PCDH11X: variants seen among roughly 807,000 people sequenced by gnomAD.
PCDH11X encodes the protein protocadherin 11 X-linked, also known as protocadherin-11 X-linked.
Under a neutral mutation model 53.3 loss-of-function variants are expected in PCDH11X, and 18 were observed. The ratio of observed to expected loss-of-function variants is 0.34; its 90% CI spans 0.23 to 0.50. The LOEUF is 0.50. Among genes scored for constraint, PCDH11X ranks in the 20% least tolerant of loss-of-function variants. The pLI, the probability that PCDH11X is intolerant of heterozygous loss-of-function variation, is 0.98. For synonymous variants in PCDH11X, 279 were observed against 393.3 expected, an observed-to-expected ratio of 0.71 and a Z score of 3.44; for missense variants, 570 against 1,032.4, an observed-to-expected ratio of 0.55 and a Z score of 6.14.
At chrX:92,181,022 GA>G (rs750764876) in intron 6 of PCDH11X, among the ~76,000 whole-genome samples, 1 of 111,529 alleles carries the variant, frequency 9.0e-6, no homozygotes, top group Admixed American at 9.6e-5. Context: ...GCAGAGGTTG[GA>G]AGAGTTTGGA....
chrX:92,477,671 C>T (rs1219599974), intron 10 of PCDH11X, among the ~76,000 whole-genome samples: 2 of 87,451 alleles, frequency 2.3e-5, no homozygotes, highest in African/African-American at 4.4e-5. Context: ...GGGAGTCTTG[C>T]CCCCTACACA....
At chrX:92,520,478 A>ATTTTT (rs35350018) in intron 10 of PCDH11X, among the ~76,000 whole-genome samples, 1 of 85,251 alleles carries the variant, frequency 1.2e-5, no homozygotes, top group Non-Finnish European at 2.2e-5. Context: ...TGGCTGTGGC[A>ATTTTT]TTTTTTTTTT....
At chrX:92,070,235 G>T (rs34157197) in intron 6 of PCDH11X, among the ~76,000 whole-genome samples, 1 of 111,101 alleles carries the variant, frequency 9.0e-6, no homozygotes, top group Non-Finnish European at 1.9e-5. Flanking sequence ...CTAGTCTGTG[G>T]TTTTCTCTAT....
At chrX:91,824,983 G>C (rs1936855202) in intron 4 of PCDH11X, among the ~76,000 whole-genome samples, 1 of 110,116 alleles carries the variant, frequency 9.1e-6, no homozygotes, top group Non-Finnish European at 1.9e-5. Context: ...CAGTTAGGCT[G>C]CTCGGGGGTC....
chrX:91,902,100 T>A (rs1344662674), intron 6 of PCDH11X, among the ~76,000 whole-genome samples: 2 of 111,830 alleles, frequency 1.8e-5, no homozygotes, highest in Non-Finnish European at 3.8e-5. Context: ...GCCATGTTAT[T>A]GACAATTTTG....
At chrX:91,834,101 G>C (rs1937209194) in intron 4 of PCDH11X, among the ~76,000 whole-genome samples, 1 of 111,018 alleles carries the variant, frequency 9.0e-6, no homozygotes. Context: ...ATAGGCTTTA[G>C]CTCAGTGTGA....
At chrX:92,498,386 T>G (rs1158873290) in intron 10 of PCDH11X, among the ~76,000 whole-genome samples, 1 of 110,995 alleles carries the variant, frequency 9.0e-6, no homozygotes, top group Non-Finnish European at 1.9e-5. Flanking sequence ...GATTACTCAC[T>G]CTTAACAGAC....
chrX:92,054,351 A>G (rs2063409324), intron 6 of PCDH11X, among the ~76,000 whole-genome samples: 1 of 111,744 alleles, frequency 8.9e-6, no homozygotes, highest in South Asian at 3.7e-4. Flanking sequence ...TGACCATGGA[A>G]ATGATATATT....
At chrX:92,354,856 C>T (rs927500975) in intron 8 of PCDH11X, among the ~76,000 whole-genome samples, 13 of 111,217 alleles carry the variant, frequency 1.2e-4, no homozygotes, top group Admixed American at 1.2e-3. Context: ...AAGCTGTAAA[C>T]GCCTTGATAA....
chrX:92,403,552 T>C (rs2148591889), intron 9 of PCDH11X, among the ~76,000 whole-genome samples: 1 of 110,254 alleles, frequency 9.1e-6, no homozygotes, highest in Non-Finnish European at 1.9e-5. Flanking sequence ...TGATTATATG[T>C]AGTATTAGTG....
intron 10 of PCDH11X, among the ~76,000 whole-genome samples, chrX:92,615,172 G>A (rs1203729939): frequency 9.0e-6 from 1 of 111,198 alleles, no homozygotes; most frequent in Non-Finnish European, 1.9e-5. Flanking sequence ...AGAAATAGGG[G>A]CAGGTAAAGC....
chrX:91,816,974 A>G (rs1363527686), intron 4 of PCDH11X, among the ~76,000 whole-genome samples: 3 of 105,732 alleles, frequency 2.8e-5, no homozygotes, highest in Non-Finnish European at 5.8e-5. Context: ...TACTATCTGT[A>G]TAAGGATTAT....
intron 6 of PCDH11X, among the ~76,000 whole-genome samples, chrX:92,019,717 G>A (rs188187088): frequency 1.2e-4 from 13 of 112,104 alleles, no homozygotes; most frequent in Admixed American, 7.6e-4. Flanking sequence ...AGTGTTTAGC[G>A]GGAAACTTAT....
intron 8 of PCDH11X, among the ~76,000 whole-genome samples, chrX:92,331,333 C>CTTCTTCTTCTTCTTCTTCTTCTT (rs1300857539): frequency 4.7e-5 from 4 of 84,928 alleles, no homozygotes; most frequent in African/African-American, 9.4e-5. Flanking sequence ...TCTTCTTCTT[C>CTTCTTCTTCTTCTTCTTCTTCTT]CTTCCTTCCT....
At chrX:92,270,734 T>G (rs943858229) in intron 8 of PCDH11X, among the ~76,000 whole-genome samples, 1 of 111,931 alleles carries the variant, frequency 8.9e-6, no homozygotes, top group Non-Finnish European at 1.9e-5. Flanking sequence ...ATTCTCAAAC[T>G]CAGTAAATCA....
At chrX:92,202,841 G>A in intron 7 of PCDH11X, among the ~76,000 whole-genome samples, 1 of 110,705 alleles carries the variant, frequency 9.0e-6, no homozygotes, top group Middle Eastern at 4.7e-3. Context: ...CTAACACAGT[G>A]AAACCCCGCC....
chrX:92,311,637 A>C (rs973524773), intron 8 of PCDH11X, among the ~76,000 whole-genome samples: 2 of 111,004 alleles, frequency 1.8e-5, no homozygotes, highest in Non-Finnish European at 3.8e-5. Flanking sequence ...CAAAGAATGA[A>C]ATATAATTAA....
At chrX:92,516,826 T>C (rs138249039) in intron 10 of PCDH11X, among the ~76,000 whole-genome samples, 154 of 112,368 alleles carry the variant, frequency 1.4e-3, no homozygotes, top group African/African-American at 4.7e-3. Flanking sequence ...CATCTAGATA[T>C]GAAGGTTCAT....
intron 8 of PCDH11X, among the ~76,000 whole-genome samples, chrX:92,273,532 T>A (rs1209684349): frequency 1.8e-5 from 2 of 110,628 alleles, no homozygotes; most frequent in African/African-American, 6.6e-5. Flanking sequence ...GCCTTCTTAA[T>A]AAGAAAAATA....
Sources: gnomAD v4.1 joint callset for allele counts (sites outside exome capture counted in the v4.1 genomes callset) on GRCh38, gnomAD v4.1.1 for gene constraint, MANE v1.5 for transcripts, NCBI Gene and HGNC (gene_info 2026-07-23, HGNC 2026-07-21) for gene names.